Variants in HDGFL2 observed in about 807,000 individuals in gnomAD.
HDGFL2 encodes HDGF like 2, also known as hepatoma-derived growth factor-related protein 2.
HDGFL2 carries 36 observed loss-of-function variants against 77.1 expected under a neutral mutation model. That is an observed-to-expected ratio of 0.47 (90% CI 0.36 to 0.62). The LOEUF (loss-of-function observed/expected upper bound fraction) is 0.62. Among genes scored for constraint, HDGFL2 ranks in the 20% least tolerant of loss-of-function variants. The pLI is 0.00. For missense variants in HDGFL2, 976 were observed against 973.4 expected, an observed-to-expected ratio of 1.00 and a Z score of -0.04; for synonymous variants, 463 against 413.1, an observed-to-expected ratio of 1.12 and a Z score of -1.46.
At chr19:4,488,242 A>C (rs1975411745) in intron 3 of HDGFL2, among the ~76,000 whole-genome samples, 1 of 152,182 alleles carries the variant, frequency 6.6e-6, no homozygotes, top group Non-Finnish European at 1.5e-5. Context: ...AAGTGCTGGG[A>C]TTATAGGCGT....
intron 1 of HDGFL2, 126 bp from the exon 2 acceptor site, chr19:4,475,149 C>T (rs531183950): frequency 6.2e-5 from 45 of 727,054 alleles, no homozygotes; most frequent in Non-Finnish European, 9.4e-5. Context: ...CGGGAAGGGG[C>T]TGCTGCTTCC....
exon 16 of HDGFL2, chr19:4,502,205 A>AAAG (rs911114883): frequency 3.0e-6 from 2 of 670,700 alleles, no homozygotes; most frequent in African/African-American, 3.7e-5. Context: ...TTTAATGAAA[A>AAAG]AAGAAATCAC....
chr19:4,488,904 C>T, intron 4 of HDGFL2, 28 bp downstream of exon 4: 2 of 1,527,758 alleles, frequency 1.3e-6, no homozygotes, highest in Non-Finnish European at 1.8e-6. Flanking sequence ...TGGGCTGGCC[C>T]TTCATCCCCT....
chr19:4,485,008 G>C (rs1338611401), intron 3 of HDGFL2, among the ~76,000 whole-genome samples: 2 of 151,720 alleles, frequency 1.3e-5, no homozygotes, highest in Non-Finnish European at 2.9e-5. Flanking sequence ...GGGTTTCACT[G>C]TGTTAGCCAG....
chr19:4,477,625 A>G (rs1228573339), intron 3 of HDGFL2, among the ~76,000 whole-genome samples: 1 of 152,136 alleles, frequency 6.6e-6, no homozygotes, highest in Non-Finnish European at 1.5e-5. Context: ...TTTATTGGAC[A>G]CCTACAGCTT....
intron 1 of HDGFL2, chr19:4,475,054 G>C: frequency 1.8e-6 from 1 of 564,004 alleles, no homozygotes; most frequent in Non-Finnish European, 3.2e-6. Context: ...CCTGGGGCCA[G>C]CTCCGTCCCT....
chr19:4,499,553 C>G lies in HDGFL2; in HGVS notation c.1638C>G (p.Leu546=), dbSNP rs749657912. ...AGGCAGCAGAAGTCTATACCCGGCT[C>G]AAGTCGCGGGTCCTCGGCCCAAAGA... ...MEKAAEVYTR[L]KSRVLGPKIE... Residue 546 remains leucine, a synonymous_variant, in exon 14 of 16, where the codon CTC becomes CTG. Coordinates refer to ENST00000616600, the MANE Select transcript of HDGFL2 (RefSeq NM_001001520.3). 1.2e-6 allele frequency: 2 copies of G among 1,613,788 alleles called. No individual in the cohort carries two copies. Among genetic ancestry groups the G allele is most frequent in the Admixed American group, 1.7e-5 (1 of 59,966 alleles).
At chr19:4,484,656 C>T (rs140236394) in intron 3 of HDGFL2, among the ~76,000 whole-genome samples, 11,407 of 132,182 alleles carry the variant, frequency 0.086, 525 homozygotes, top group African/African-American at 0.15. Context: ...CCCGCCATCA[C>T]GCCTGGCTAA....
At chr19:4,475,951 G>A (rs1018331739) in intron 3 of HDGFL2, among the ~76,000 whole-genome samples, 3 of 150,902 alleles carry the variant, frequency 2.0e-5, no homozygotes, top group Non-Finnish European at 4.4e-5. Context: ...GTGCAGTGGC[G>A]CGATCTCGGC....
rs117315514 is a variant in HDGFL2 at position 4,501,691 on chromosome 19, C to T, written c.1917-220C>T. ...AAGGCTCAGTGGAGTCACTCACTTA[C>T]CCAGCAGCTGCCTTGTGCTATGCCT... On this transcript the variant is annotated intron_variant, in intron 15 of 15. Transcript: ENST00000616600. The T allele has an allele frequency of 9.7e-3, 4,925 of 507,234 alleles. 64 individuals are homozygous for T. The highest frequency in any genetic ancestry group is 0.041 in the South Asian group (1,246 of 30,492). 31.4% of individuals were successfully genotyped at this position (507,234 alleles called of 1,614,324 possible). A position where few individuals can be genotyped will look rare whatever the true frequency, so the allele number is the denominator to read the frequency against.
intron 13 of HDGFL2, 100 bp from the exon 14 acceptor site, chr19:4,499,391 G>A: frequency 3.0e-6 from 3 of 1,005,606 alleles, no homozygotes; most frequent in Non-Finnish European, 4.4e-6. Flanking sequence ...GTGCTCCCGG[G>A]AGGGGCTGCG....
intron 10 of HDGFL2, 111 bp from the exon 11 acceptor site, chr19:4,497,847 C>G (rs1256129972): frequency 1.1e-6 from 1 of 936,868 alleles, no homozygotes; most frequent in African/African-American, 1.7e-5. Context: ...GCTCCCAGGG[C>G]CTCCCAAAGG....
chr19:4,474,998 T>G, intron 1 of HDGFL2: 1 of 417,774 alleles, frequency 2.4e-6, no homozygotes, highest in Non-Finnish European at 4.4e-6. Context: ...CACCCCCTGG[T>G]TGCTTCAGAG....
Position 4,502,111 on chromosome 19 carries a change from C to T in HDGFL2, c.*101C>T. On this transcript the variant is annotated 3_prime_UTR_variant, in exon 16 of 16. Coordinates refer to ENST00000616600, the MANE Select transcript of HDGFL2 (RefSeq NM_001001520.3). Reference sequence around the variant, plus strand: ...GCAGAGAACTGTGGGGAACGCTGTGCTGTTTGTATTTGTTCCCTTGGGTTT... The same window carrying T: ...GCAGAGAACTGTGGGGAACGCTGTGTTGTTTGTATTTGTTCCCTTGGGTTT... The T allele has an allele frequency of 2.3e-6, 2 of 857,822 alleles. No individual in the cohort carries two copies. Among genetic ancestry groups the T allele is most frequent in the South Asian group, 1.4e-5 (1 of 69,794 alleles). The allele number at this position is 857,822 out of a possible 1,614,324, so 53.1% of individuals were successfully genotyped here.
intron 1 of HDGFL2, among the ~76,000 whole-genome samples, chr19:4,473,055 G>T (rs1974986166): frequency 6.6e-6 from 1 of 151,000 alleles, no homozygotes; most frequent in South Asian, 2.1e-4. Flanking sequence ...TCGCACCTTG[G>T]GGGTTTGGGG....
intron 10 of HDGFL2, 127 bp from the exon 11 acceptor site, chr19:4,497,831 G>C: frequency 1.2e-6 from 1 of 822,890 alleles, no homozygotes; most frequent in South Asian, 1.7e-5. Context: ...CCCGTTTCCC[G>C]GCTTAGCTCC....
intron 3 of HDGFL2, among the ~76,000 whole-genome samples, chr19:4,478,274 C>T (rs1234585907): frequency 6.7e-6 from 1 of 148,724 alleles, no homozygotes; most frequent in African/African-American, 2.5e-5. Context: ...GTGGTCTTGG[C>T]TAATTGCAAC....
chr19:4,491,828 A>C lies in HDGFL2; in HGVS notation c.671A>C (p.Lys224Thr). The change falls in exon 6 of 16, where the codon AAA becomes ACA. Residue 224 changes from lysine (K) to threonine (T), a missense_variant. Coordinates refer to ENST00000616600, the MANE Select transcript of HDGFL2 (RefSeq NM_001001520.3). ...CGGAGGGGCCCTCTGGGGGGACGGAAAAAAAAGGTAGCGTGCACTTGACTT... is the reference window on the plus strand; with the variant it reads ...CGGAGGGGCCCTCTGGGGGGACGGACAAAAAAGGTAGCGTGCACTTGACTT... ...APRRGPLGGR[K>T]KKKAPSASDS... 2 of 1,613,772 alleles carry C rather than the reference A, an allele frequency of 1.2e-6. No individual in the cohort carries two copies. Among genetic ancestry groups the C allele is most frequent in the Non-Finnish European group, 1.7e-6 (2 of 1,179,822 alleles).
At chr19:4,491,910 C>A in intron 6 of HDGFL2, 75 bp downstream of exon 6, 2 of 1,348,912 alleles carry the variant, frequency 1.5e-6, no homozygotes, top group South Asian at 2.4e-5. Flanking sequence ...GTCCCCAGGG[C>A]AGGGCGGGCC....
Sources: gnomAD v4.1 joint callset for allele counts (sites outside exome capture counted in the v4.1 genomes callset) on GRCh38, gnomAD v4.1.1 for gene constraint, MANE v1.5 for transcripts, NCBI Gene and HGNC (gene_info 2026-07-23, HGNC 2026-07-21) for gene names.